The following EHMT1 variants were observed in gnomAD, a reference collection of about 807,000 sequenced individuals.
EHMT1 encodes the protein histone-lysine N-methyltransferase EHMT1.
A neutral mutation model predicts 147.2 loss-of-function variants in EHMT1; 15 were observed. That is an observed-to-expected ratio of 0.10 (90% CI 0.07 to 0.16). The LOEUF is 0.16. Ranked by LOEUF, EHMT1 falls within the 10% of genes least tolerant of loss-of-function variation. EHMT1 has a pLI of 1.00. For missense variants in EHMT1, 1,587 were observed against 1,772.4 expected, an observed-to-expected ratio of 0.90 and a Z score of 1.88; for synonymous variants, 795 against 709.6, an observed-to-expected ratio of 1.12 and a Z score of -1.91.
In EHMT1 at chr9:137,776,551, G is replaced by A; in HGVS notation, c.1792-67G>A. The A allele has an allele frequency of 6.5e-7, 1 of 1,527,402 alleles. No homozygotes were observed. The highest frequency in any genetic ancestry group is 9.0e-7 in the Non-Finnish European group (1 of 1,108,794). The allele number at this position is 1,527,402 out of a possible 1,614,324, so 94.6% of individuals were successfully genotyped here. A position where few individuals can be genotyped will look rare whatever the true frequency, so the allele number is the denominator to read the frequency against. On this transcript the variant is annotated intron_variant, in intron 11 of 26. Transcript: ENST00000460843. The surrounding 1 kb of genome is among the most constrained non-coding windows in gnomAD (Gnocchi z 4.4). ...TGTGGGATGCGGTGCCAGTTTAGTA[G>A]TACTTTATTTTTCTAAATATTAACC...
intron 25 of EHMT1, among the ~76,000 whole-genome samples, chr9:137,827,444 GGACCCCA>G (rs1049335735): frequency 2.6e-5 from 4 of 151,990 alleles, no homozygotes; most frequent in African/African-American, 9.7e-5. Flanking sequence ...ACCCACGCCC[GGACCCCA>G]GACCCCAGAC....
intron 1 of EHMT1, among the ~76,000 whole-genome samples, chr9:137,691,411 C>G (rs1365611375): frequency 1.3e-5 from 2 of 151,080 alleles, no homozygotes; most frequent in African/African-American, 4.9e-5. Flanking sequence ...TTCCTGAGCT[C>G]AAGTGATCTG....
intron 8 of EHMT1, among the ~76,000 whole-genome samples, chr9:137,755,335 G>C (rs771874104): frequency 1.3e-5 from 2 of 152,188 alleles, no homozygotes; most frequent in Non-Finnish European, 2.9e-5. Flanking sequence ...AGATGGAACT[G>C]TGTGGTTGTT....
chr9:137,644,678 T>C (rs1257246346), intron 1 of EHMT1, among the ~76,000 whole-genome samples: 1 of 152,122 alleles, frequency 6.6e-6, no homozygotes, highest in Non-Finnish European at 1.5e-5. Context: ...CTAAAAATCA[T>C]GCTTAGCTTT....
intron 25 of EHMT1, among the ~76,000 whole-genome samples, chr9:137,831,472 C>T (rs1414532317): frequency 1.3e-5 from 2 of 152,224 alleles, no homozygotes; most frequent in Non-Finnish European, 2.9e-5. Context: ...TTTGACTTTA[C>T]CTGTCATTAG....
Position 137,743,476 on chromosome 9 carries a change from G to A in EHMT1, c.929G>A (p.Arg310Lys), listed in dbSNP as rs755069826. The A allele has an allele frequency of 1.2e-6, 2 of 1,613,986 alleles. No individual in the cohort carries two copies. The highest frequency in any genetic ancestry group is 2.2e-5 in the South Asian group (2 of 91,068). ...AAAAAGACCAAAGTATTAAAACAGA[G>A]GACGGTGATTGAGATGTTTAAGAGC... ...PKKKTKVLKQ[R>K]TVIEMFKSIT... Residue 310 changes from arginine to lysine, a missense_variant, in exon 5 of 27, where the codon AGG (arginine) becomes AAG (lysine). Physicochemically the swap from Arg to Lys is conservative, Grantham distance 26. Coordinates refer to ENST00000460843, the MANE Select transcript of EHMT1 (RefSeq NM_024757.5).
At chr9:137,814,146 C>A in intron 21 of EHMT1, 1 of 481,972 alleles carries the variant, frequency 2.1e-6, no homozygotes, top group Non-Finnish European at 3.8e-6. Flanking sequence ...CAAATGCAGC[C>A]GCCGCCCAGC....
intron 1 of EHMT1, among the ~76,000 whole-genome samples, chr9:137,696,510 C>T (rs1472895912): frequency 1.3e-5 from 2 of 152,178 alleles, no homozygotes; most frequent in African/African-American, 4.8e-5. Context: ...GTAGAGAAGG[C>T]AGTCTTTTGT....
intron 10 of EHMT1, among the ~76,000 whole-genome samples, chr9:137,773,849 C>CAATT (rs1950749746): frequency 6.6e-6 from 1 of 152,172 alleles, no homozygotes; most frequent in African/African-American, 2.4e-5. Flanking sequence ...AAATGCCACT[C>CAATT]AATTATTTGC....
intron 18 of EHMT1, among the ~76,000 whole-genome samples, chr9:137,801,832 C>T (rs1953517604): frequency 1.3e-5 from 2 of 152,140 alleles, no homozygotes; most frequent in Non-Finnish European, 2.9e-5. Context: ...AGGGTTTAGC[C>T]ATGTTGGCCA....
chr9:137,724,930 T>G (rs28708431), intron 3 of EHMT1, among the ~76,000 whole-genome samples: 3,650 of 102,882 alleles, frequency 0.035, 153 homozygotes, highest in African/African-American at 0.19. Context: ...TGTGGCAGGC[T>G]TGTGGCATTC....
chr9:137,777,932 C>T lies in EHMT1; in HGVS notation c.2069C>T (p.Ser690Phe). The T allele has an allele frequency of 6.2e-7, 1 of 1,613,842 alleles. No individual in the cohort carries two copies. The highest frequency in any genetic ancestry group is 8.5e-7 in the Non-Finnish European group (1 of 1,180,026). The change falls in exon 13 of 27, where the codon TCC becomes TTC. Residue 690 changes from serine (S) to phenylalanine (F), a missense_variant. Coordinates refer to ENST00000460843, the MANE Select transcript of EHMT1 (RefSeq NM_024757.5). ...SEDDKLQGAA[S>F]HVPEGFDPTG... ...GACGACAAGCTGCAGGGTGCAGCCT[C>T]CCACGTGCCCGAGGGCTTTGATCCA...
intron 3 of EHMT1, among the ~76,000 whole-genome samples, chr9:137,721,635 C>T (rs1303786868): frequency 2.7e-5 from 4 of 149,628 alleles, no homozygotes; most frequent in South Asian, 2.2e-4. Flanking sequence ...TCCTCTCCCA[C>T]GCCTCTCACT....
chr9:137,813,331 A>AC lies in EHMT1; in HGVS notation c.3036-50dup. On this transcript the variant is annotated intron_variant, in intron 20 of 26. Coordinates refer to ENST00000460843, the MANE Select transcript of EHMT1 (RefSeq NM_024757.5). The surrounding 1 kb of genome is among the most constrained non-coding windows in gnomAD (Gnocchi z 4.9). ...CAGCCGCCCCACTGCACGCTGTGCC[A>AC]CCCCCTGGGCAGAGCACGTCAGCCA... 6.3e-7 allele frequency: 1 copy of AC among 1,583,640 alleles called. No homozygotes were observed. The highest frequency in any genetic ancestry group is 8.6e-7 in the Non-Finnish European group (1 of 1,169,296).
intron 9 of EHMT1, 106 bp from the exon 10 acceptor site, chr9:137,762,569 C>T (rs1234565226): frequency 6.7e-5 from 106 of 1,574,194 alleles, no homozygotes; most frequent in Non-Finnish European, 8.8e-5. Context: ...GCATTGCTTT[C>T]ATTTCCTGGC....
chr9:137,788,277 G>A (rs1279942309), intron 15 of EHMT1: 5 of 428,604 alleles, frequency 1.2e-5, no homozygotes, highest in South Asian at 6.8e-5. Flanking sequence ...ATTGCTGGGC[G>A]GTGGCAGATG....
chr9:137,813,880 G>A lies in EHMT1; in HGVS notation c.3180+350G>A, dbSNP rs1422549164. ...GGAGCCCTTGCGAGGCCTGCAGGAC[G>A]ACCTGGATCCCTGCACCTCCCAGCC... On this transcript the variant is annotated intron_variant, in intron 21 of 26. Transcript: ENST00000460843. This position sits in a 1 kb window ranked among gnomAD's most constrained non-coding sequence, Gnocchi z 4.9. 1.3e-5 allele frequency among the ~76,000 whole-genome samples: 2 copies of A among 152,104 alleles called. No individual in the cohort carries two copies. Among genetic ancestry groups the A allele is most frequent in the African/African-American group, 4.8e-5 (2 of 41,414 alleles).
chr9:137,628,875 G>C (rs912816522), intron 1 of EHMT1, among the ~76,000 whole-genome samples: 7 of 152,302 alleles, frequency 4.6e-5, no homozygotes, highest in Non-Finnish European at 8.8e-5. Flanking sequence ...TGCTGAAAGA[G>C]CTGTGTAGGT....
At chr9:137,699,802 TTG>T (rs1943689159) in intron 1 of EHMT1, among the ~76,000 whole-genome samples, 1 of 152,198 alleles carries the variant, frequency 6.6e-6, no homozygotes, top group Admixed American at 6.5e-5. Flanking sequence ...TGAGCTGTGG[TTG>T]CACCACTGCA....
Sources: allele counts gnomAD v4.1 joint callset (sites outside exome capture counted in the v4.1 genomes callset), GRCh38; gene constraint gnomAD v4.1.1; non-coding constraint Gnocchi (gnomAD v3.1); transcripts MANE v1.5; gene names NCBI Gene and HGNC (gene_info 2026-07-23, HGNC 2026-07-21).